The following INSL6 variants were observed in gnomAD, a reference collection of about 807,000 sequenced individuals.
The protein encoded by INSL6 is insulin like 6.
A neutral mutation model predicts 9.4 loss-of-function variants in INSL6; 16 were observed. That is an observed-to-expected ratio of 1.70 (90% CI 1.15 to 2.59). The LOEUF (loss-of-function observed/expected upper bound fraction) is 2.59. Ranked by LOEUF, INSL6 falls within the 30% of genes most tolerant of loss-of-function variation. INSL6 has a pLI of 0.00. For missense variants in INSL6, 391 were observed against 257.3 expected, an observed-to-expected ratio of 1.52 and a Z score of -3.56; for synonymous variants, 154 against 96.9, an observed-to-expected ratio of 1.59 and a Z score of -3.46.
the INSL6 span, among the ~76,000 whole-genome samples, chr9:5,033,831 A>G: frequency 7.9e-5 from 12 of 152,346 alleles, no homozygotes; most frequent in East Asian, 1.9e-3. Flanking sequence ...AACTGCATCA[A>G]CTAATGAGCA....
At chr9:4,996,674 T>TA in the INSL6 span, among the ~76,000 whole-genome samples, 8 of 151,152 alleles carry the variant, frequency 5.3e-5, no homozygotes, top group East Asian at 1.9e-4. Context: ...CCTGTCTTGT[T>TA]AAAAAAAAAT....
intron 1 of INSL6, among the ~76,000 whole-genome samples, chr9:5,168,787 T>C (rs1246724901): frequency 7.4e-6 from 1 of 135,756 alleles, no homozygotes; most frequent in African/African-American, 3.3e-5. Context: ...TCATCAGTTC[T>C]CCAAGGTCAA....
chr9:5,073,579 C>T, the INSL6 span: 5 of 762,334 alleles, frequency 6.6e-6, no homozygotes, highest in East Asian at 1.2e-4. Context: ...ATTGTATCCT[C>T]ATCTATAGTC....
intron 3 of INSL6, chr9:5,131,923 T>G (rs1824300091): frequency 6.6e-6 from 1 of 152,208 alleles, no homozygotes; most frequent in Non-Finnish European, 1.5e-5. Context: ...AATTGTTTTT[T>G]TAAAGGCTGT....
At chr9:5,009,470 C>A in the INSL6 span, among the ~76,000 whole-genome samples, 6 of 151,198 alleles carry the variant, frequency 4.0e-5, no homozygotes, top group Non-Finnish European at 7.4e-5. Flanking sequence ...TTTATTTATT[C>A]TCTGCTCCTT....
the INSL6 span, among the ~76,000 whole-genome samples, chr9:5,022,469 G>A: frequency 2.0e-4 from 30 of 151,944 alleles, no homozygotes; most frequent in Admixed American, 1.9e-3. Context: ...CATATAAGGT[G>A]GTTAAAAAAT....
At chr9:4,995,006 G>T in the INSL6 span, among the ~76,000 whole-genome samples, 1 of 152,052 alleles carries the variant, frequency 6.6e-6, no homozygotes, top group Non-Finnish European at 1.5e-5. Context: ...TTCAAAAGTG[G>T]TATATGTTAC....
At chr9:5,147,548 T>A (rs1022556615) in intron 2 of INSL6, among the ~76,000 whole-genome samples, 1 of 152,194 alleles carries the variant, frequency 6.6e-6, no homozygotes, top group Non-Finnish European at 1.5e-5. Flanking sequence ...TAAGGAGATT[T>A]CGGAATGGGG....
At chr9:5,062,406 C>T in the INSL6 span, among the ~76,000 whole-genome samples, 1 of 141,714 alleles carries the variant, frequency 7.1e-6, no homozygotes, top group African/African-American at 2.6e-5. Context: ...ATTACCAAAA[C>T]ATGACACATA....
chr9:5,145,708 G>T (rs920030808), intron 2 of INSL6, among the ~76,000 whole-genome samples: 2 of 152,106 alleles, frequency 1.3e-5, no homozygotes, highest in African/African-American at 4.8e-5. Flanking sequence ...AAGAAAGGCA[G>T]TCTTCAGGCT....
At chr9:5,072,762 A>C in the INSL6 span, 1 of 502,400 alleles carries the variant, frequency 2.0e-6, no homozygotes, top group African/African-American at 2.0e-5. Context: ...CTGAGGATAC[A>C]TTCTTGTGGG....
the INSL6 span, among the ~76,000 whole-genome samples, chr9:5,106,419 C>T: frequency 1.8e-3 from 280 of 152,184 alleles, 3 homozygotes; most frequent in African/African-American, 6.4e-3. Flanking sequence ...GAAGATGTGG[C>T]GAAATAGGAA....
chr9:5,185,115 T>G (rs768332493), intron 1 of INSL6, among the ~76,000 whole-genome samples, 199 bp downstream of exon 1: 13 of 152,114 alleles, frequency 8.5e-5, no homozygotes, highest in Non-Finnish European at 1.8e-4. Flanking sequence ...AAGTGTACAT[T>G]TATTTCCTCC....
the INSL6 span, chr9:5,097,082 G>A: frequency 2.6e-5 from 4 of 152,096 alleles, no homozygotes; most frequent in Non-Finnish European, 5.9e-5. Context: ...ACACATGCAG[G>A]ATCCTTTGTG....
At chr9:5,002,222 C>G in the INSL6 span, among the ~76,000 whole-genome samples, 4 of 151,456 alleles carry the variant, frequency 2.6e-5, no homozygotes, top group African/African-American at 9.7e-5. Context: ...TTCTAGCTAC[C>G]TAGGAAGCTT....
chr9:5,088,174 GA>G, the INSL6 span, among the ~76,000 whole-genome samples: 28 of 152,166 alleles, frequency 1.8e-4, no homozygotes, highest in Non-Finnish European at 3.8e-4. Flanking sequence ...GTCACAGAGA[GA>G]GCAAGTTGTG....
At chr9:5,182,918 G>C (rs1394516566) in intron 1 of INSL6, among the ~76,000 whole-genome samples, 3 of 152,134 alleles carry the variant, frequency 2.0e-5, no homozygotes, top group African/African-American at 7.2e-5. Context: ...TTCAAGATAT[G>C]TATAAGTAGC....
chr9:5,165,906 T>C (rs980095693), intron 1 of INSL6, among the ~76,000 whole-genome samples: 1 of 152,218 alleles, frequency 6.6e-6, no homozygotes, highest in African/African-American at 2.4e-5. Context: ...TAGGCAGCCA[T>C]GTTCTGAACC....
intron 1 of INSL6, among the ~76,000 whole-genome samples, chr9:5,167,089 C>T (rs1487603869): frequency 2.0e-5 from 3 of 152,004 alleles, no homozygotes; most frequent in East Asian, 1.9e-4. Context: ...AGGAGGTTGG[C>T]GTGACTCAGA....
Sources: gnomAD v4.1 joint callset for allele counts (sites outside exome capture counted in the v4.1 genomes callset) on GRCh38, gnomAD v4.1.1 for gene constraint, MANE v1.5 for transcripts, NCBI Gene and HGNC (gene_info 2026-07-23, HGNC 2026-07-21) for gene names.